NEXMIF: variants seen among roughly 807,000 people sequenced by gnomAD.
NEXMIF encodes neurite extension and migration factor, also known as XLMR protein related to neurite extension.
In NEXMIF, 8 loss-of-function variants were observed where a neutral mutation model predicts 62.1. That is an observed-to-expected ratio of 0.13 (90% CI 0.08 to 0.23). The LOEUF is 0.23. NEXMIF is among the 10% of genes least tolerant of loss of function. NEXMIF has a pLI of 1.00. For missense variants in NEXMIF, 976 were observed against 1,113.3 expected (o/e 0.88, Z 1.75); for synonymous variants, 404 against 416.6 (o/e 0.97, Z 0.37).
intron 1 of NEXMIF, among the ~76,000 whole-genome samples, chrX:74,792,975 G>T (rs374538952): frequency 3.7e-5 from 4 of 107,262 alleles, no homozygotes; most frequent in East Asian, 5.9e-4. Flanking sequence ...GTCCATTTAC[G>T]TTTAAAGTTA....
chrX:74,883,334 G>C (rs2080674502), intron 1 of NEXMIF, among the ~76,000 whole-genome samples: 1 of 111,491 alleles, frequency 9.0e-6, no homozygotes. Context: ...GGCTTCAGAA[G>C]ACCAAACTAC....
At chrX:74,915,114 T>C (rs763487475) in intron 1 of NEXMIF, among the ~76,000 whole-genome samples, 1 of 111,645 alleles carries the variant, frequency 9.0e-6, no homozygotes, top group East Asian at 2.8e-4. Flanking sequence ...TAATATTTTA[T>C]CTTGATTGTG....
chrX:74,859,758 G>A (rs2080549633), intron 1 of NEXMIF, among the ~76,000 whole-genome samples: 1 of 111,348 alleles, frequency 9.0e-6, no homozygotes, highest in African/African-American at 3.3e-5. Context: ...AAAAGCGGGA[G>A]GATGAAGTTA....
intron 1 of NEXMIF, among the ~76,000 whole-genome samples, chrX:74,909,027 C>T (rs1285558944): frequency 1.8e-5 from 2 of 111,576 alleles, no homozygotes; most frequent in Non-Finnish European, 3.8e-5. Flanking sequence ...AATTAAACTT[C>T]TTTTTCTTCC....
chrX:74,812,567 G>A (rs2080363715), intron 1 of NEXMIF, among the ~76,000 whole-genome samples: 1 of 111,498 alleles, frequency 9.0e-6, no homozygotes, highest in African/African-American at 3.3e-5. Flanking sequence ...GCAAGAAACT[G>A]ATCAGATAAA....
At chrX:74,818,654 A>G (rs1382167131) in intron 1 of NEXMIF, among the ~76,000 whole-genome samples, 3 of 112,479 alleles carry the variant, frequency 2.7e-5, no homozygotes, top group African/African-American at 6.5e-5. Context: ...AAAAGAAACT[A>G]TTAACAAAGT....
chrX:74,758,178 G>A (rs2080164637), intron 1 of NEXMIF, among the ~76,000 whole-genome samples: 1 of 110,385 alleles, frequency 9.1e-6, no homozygotes. Flanking sequence ...AGAGTGGGTG[G>A]GAAGAAGGGG....
rs1403605860 is a variant in NEXMIF, at chrX:74,737,901, CAACT to C, written c.*1500_*1503del. ...TTAATAAGAATAGTAACAACGACAA[CAACT>C]AACAATATTAATAATATTAATCCCC... On this transcript the variant is annotated 3_prime_UTR_variant, in exon 4 of 4. Transcript: ENST00000055682. The C allele has an allele frequency of 6.3e-5, 7 of 111,061 alleles. No homozygotes were observed. Among genetic ancestry groups the C allele is most frequent in the Non-Finnish European group, 1.1e-4 (6 of 52,978 alleles). 9.2% of individuals were successfully genotyped at this position (111,061 alleles called of 1,213,427 possible).
At position 74,786,865 on chromosome X, in the gene NEXMIF, G is replaced by GCA. The variant is rs746463340; in HGVS notation, c.-47-41170_-47-41169dup. Among the ~76,000 whole-genome samples the GCA allele has an allele frequency of 3.5e-4, 38 of 108,174 alleles. No individual in the cohort carries two copies. The South Asian group carries it at 4.3e-3, about 12-fold the overall frequency. 93.9% of individuals were successfully genotyped at this position (108,174 alleles called of 115,157 possible). ...TGAGCACATGTGCATGTGCGTGTGT[G>GCA]CACACACACACACACACCCCTATCA... On this transcript the variant is annotated intron_variant, in intron 1 of 3. Coordinates refer to ENST00000055682, the MANE Select transcript of NEXMIF (RefSeq NM_001008537.3).
At chrX:74,901,678 G>C (rs2080750066) in intron 1 of NEXMIF, among the ~76,000 whole-genome samples, 1 of 111,558 alleles carries the variant, frequency 9.0e-6, no homozygotes, top group South Asian at 3.7e-4. Flanking sequence ...AATGGGGGCT[G>C]TTCTACTAAC....
At chrX:74,907,491 C>T (rs1298132763) in intron 1 of NEXMIF, among the ~76,000 whole-genome samples, 1 of 110,372 alleles carries the variant, frequency 9.1e-6, no homozygotes, top group Non-Finnish European at 1.9e-5. Flanking sequence ...CTTAATTCCT[C>T]CACCTGGAAG....
chrX:74,864,166 C>T (rs755795247), intron 1 of NEXMIF, among the ~76,000 whole-genome samples: 2 of 111,891 alleles, frequency 1.8e-5, no homozygotes, highest in South Asian at 7.5e-4. Context: ...TGAAAACTGG[C>T]ACAAGACGAG....
chrX:74,796,914 G>T (rs904946478), intron 1 of NEXMIF, among the ~76,000 whole-genome samples: 3 of 111,811 alleles, frequency 2.7e-5, no homozygotes, highest in Non-Finnish European at 3.8e-5. Context: ...AAAGGAAAAA[G>T]TAGTTGCTTT....
chrX:74,815,260 T>C (rs2080372409), intron 1 of NEXMIF, among the ~76,000 whole-genome samples: 1 of 112,130 alleles, frequency 8.9e-6, no homozygotes, highest in Non-Finnish European at 1.9e-5. Flanking sequence ...TTAAGGTCAC[T>C]ATCTTATTTC....
At chrX:74,787,042 C>T (rs2080262530) in intron 1 of NEXMIF, among the ~76,000 whole-genome samples, 1 of 99,916 alleles carries the variant, frequency 1.0e-5, no homozygotes, top group Non-Finnish European at 2.0e-5. Context: ...GGGCAGATCA[C>T]GAGGTCAGGA....
chrX:74,779,027 A>G (rs1481709145), intron 1 of NEXMIF, among the ~76,000 whole-genome samples: 3 of 112,475 alleles, frequency 2.7e-5, no homozygotes. Flanking sequence ...TGGGTCCTCC[A>G]GCTCTGAGAA....
intron 1 of NEXMIF, among the ~76,000 whole-genome samples, chrX:74,810,784 A>G (rs1411324241): frequency 9.0e-6 from 1 of 111,669 alleles, no homozygotes; most frequent in African/African-American, 3.3e-5. Context: ...CTAAAGATCA[A>G]ATGGAATAAT....
chrX:74,762,808 GTTGT>G (rs954728246), intron 1 of NEXMIF, among the ~76,000 whole-genome samples: 18 of 111,441 alleles, frequency 1.6e-4, no homozygotes, highest in Non-Finnish European at 2.4e-4. Context: ...TTTTGATGGG[GTTGT>G]TTGTTTTTTT....
At chrX:74,885,119 C>A (rs2080685529) in intron 1 of NEXMIF, among the ~76,000 whole-genome samples, 1 of 110,216 alleles carries the variant, frequency 9.1e-6, no homozygotes, top group African/African-American at 3.3e-5. Context: ...ACACAACATA[C>A]CAGAATCTCT....
Sources: gnomAD v4.1 joint callset for allele counts (sites outside exome capture counted in the v4.1 genomes callset) on GRCh38, gnomAD v4.1.1 for gene constraint, MANE v1.5 for transcripts, NCBI Gene and HGNC (gene_info 2026-07-23, HGNC 2026-07-21) for gene names.